Variants in ASH1L observed in about 807,000 individuals in gnomAD.
The protein encoded by ASH1L is ASH1 like histone lysine methyltransferase, also known as histone-lysine N-methyltransferase ASH1L.
A neutral mutation model predicts 269.0 loss-of-function variants in ASH1L; 23 were observed. The observed-to-expected ratio is 0.09, with a 90% CI of 0.06 to 0.12. The LOEUF (loss-of-function observed/expected upper bound fraction) is 0.12. ASH1L is among the 10% of genes least tolerant of loss of function. ASH1L has a pLI of 1.00. For missense variants in ASH1L, 2,912 were observed against 3,567.8 expected, an observed-to-expected ratio of 0.82 and a Z score of 4.68; for synonymous variants, 1,187 against 1,253.5, an observed-to-expected ratio of 0.95 and a Z score of 1.12.
intron 2 of ASH1L, among the ~76,000 whole-genome samples, chr1:155,491,463 C>G (rs1032667840): frequency 6.6e-6 from 1 of 152,102 alleles, no homozygotes; most frequent in Non-Finnish European, 1.5e-5. Flanking sequence ...ATATTCCTTA[C>G]AACCACCATA....
chr1:155,414,546 TGA>T (rs907720393), intron 6 of ASH1L, among the ~76,000 whole-genome samples: 4 of 152,306 alleles, frequency 2.6e-5, no homozygotes, highest in African/African-American at 7.2e-5. Flanking sequence ...CAACCTCAGG[TGA>T]TCCACCCGCC....
Position 155,338,336 on chromosome 1 carries a change from C to T in ASH1L, c.8556G>A (p.Glu2852=). The T allele has an allele frequency of 3.1e-6, 5 of 1,614,114 alleles. No homozygotes were observed. Among genetic ancestry groups the T allele is most frequent in the Non-Finnish European group, 4.2e-6 (5 of 1,180,028 alleles). ...CTTCAATCAAGGGTAGAGCATCATCCTCCTGGCCCAAGTCTTTTAGGGGTG... is the reference window on the plus strand; with the variant it reads ...CTTCAATCAAGGGTAGAGCATCATCTTCCTGGCCCAAGTCTTTTAGGGGTG... The part of the protein sequence containing the change: ...SKPPLKDLGQ[E]DDALPLIEEV... The change falls in exon 27 of 28, where the codon GAG becomes GAA. Residue 2852 remains glutamate (E), a synonymous_variant. Coordinates refer to ENST00000392403, the MANE Select transcript of ASH1L (RefSeq NM_018489.3).
intron 7 of ASH1L, among the ~76,000 whole-genome samples, chr1:155,390,632 TC>T (rs538641218): frequency 0.1 from 9,917 of 98,074 alleles, 368 homozygotes; most frequent in East Asian, 0.12. Flanking sequence ...AATATCATTC[TC>T]CCCCCCCCCC....
intron 19 of ASH1L, among the ~76,000 whole-genome samples, chr1:155,348,306 A>G (rs1469426067): frequency 2.6e-5 from 4 of 152,164 alleles, no homozygotes; most frequent in Non-Finnish European, 5.9e-5. Context: ...GGGTTTCAGT[A>G]GGAAGAATGT....
At chr1:155,404,776 T>C (rs1447747114) in intron 6 of ASH1L, among the ~76,000 whole-genome samples, 2 of 152,142 alleles carry the variant, frequency 1.3e-5, no homozygotes, top group Non-Finnish European at 2.9e-5. Flanking sequence ...ATGCCTGTCA[T>C]CCCAGCACTT....
chr1:155,481,583 C>G lies in ASH1L; in HGVS notation c.1287G>C (p.Leu429=). ...KDAINLKAEA[L]LPTQEPLKAS... ...CCTTAAGCGGTTCCTGAGTGGGGAG[C>G]AGTGCTTCGGCTTTAAGGTTTATGG... The change falls in exon 3 of 28, where the codon CTG becomes CTC. Residue 429 remains leucine (L), a synonymous_variant. Coordinates refer to ENST00000392403, the MANE Select transcript of ASH1L (RefSeq NM_018489.3). 6.2e-7 allele frequency: 1 copy of G among 1,614,178 alleles called. No individual in the cohort carries two copies. Among genetic ancestry groups the G allele is most frequent in the Non-Finnish European group, 8.5e-7 (1 of 1,180,018 alleles).
chr1:155,411,582 A>ATATATATATATATATAT (rs1659775685), intron 6 of ASH1L, among the ~76,000 whole-genome samples: 8 of 48,410 alleles, frequency 1.7e-4, no homozygotes, highest in African/African-American at 6.4e-4. Context: ...TAAATAAATA[A>ATATATATATATATATAT]ATAAATATAT....
At chr1:155,411,578 AATAAATAAATATATATAT>A (rs1186028865) in intron 6 of ASH1L, among the ~76,000 whole-genome samples, 7 of 21,126 alleles carry the variant, frequency 3.3e-4, no homozygotes, top group Non-Finnish European at 4.1e-4. Flanking sequence ...AATATAAATA[AATAAATAAATATATATAT>A]ATATATATAT....
intron 1 of ASH1L, among the ~76,000 whole-genome samples, chr1:155,521,939 T>C (rs1668913335): frequency 6.6e-6 from 1 of 152,214 alleles, no homozygotes; most frequent in Admixed American, 6.5e-5. Flanking sequence ...TCATATATTT[T>C]CGCACTCATC....
chr1:155,427,501 G>A lies in ASH1L; in HGVS notation c.5828+10826C>T, dbSNP rs1335049679. Among the ~76,000 whole-genome samples, 6 of 151,942 alleles carry A rather than the reference G, an allele frequency of 3.9e-5. No homozygotes were observed. The East Asian group carries it at 7.8e-4, about 20-fold the overall frequency. On this transcript the variant is annotated intron_variant, in intron 5 of 27. Transcript: ENST00000392403. ...TACTTTTTAGTAGAGACAGGGTTTC[G>A]CCGTGTTGGCCAGGCTGGTCTCAAA...
intron 2 of ASH1L, among the ~76,000 whole-genome samples, chr1:155,503,609 T>C (rs886820136): frequency 6.6e-6 from 1 of 152,234 alleles, no homozygotes; most frequent in Non-Finnish European, 1.5e-5. Context: ...TCATTGATTT[T>C]AGAGAAACTA....
chr1:155,374,540 A>C (rs745942884), intron 10 of ASH1L, among the ~76,000 whole-genome samples: 2 of 152,306 alleles, frequency 1.3e-5, no homozygotes, highest in African/African-American at 2.4e-5. Context: ...AGCTGTAAAG[A>C]AGACAGTGCC....
intron 7 of ASH1L, among the ~76,000 whole-genome samples, chr1:155,388,138 G>C (rs146707270): frequency 2.6e-5 from 4 of 152,268 alleles, no homozygotes; most frequent in African/African-American, 9.6e-5. Flanking sequence ...AACTAAAATG[G>C]AGTCAGGAGG....
chr1:155,346,768 G>C (rs1180967598), intron 20 of ASH1L, among the ~76,000 whole-genome samples: 3 of 152,208 alleles, frequency 2.0e-5, no homozygotes, highest in African/African-American at 7.2e-5. Context: ...AGTAATTTAA[G>C]TAAATGCTAC....
intron 1 of ASH1L, among the ~76,000 whole-genome samples, chr1:155,542,700 G>A (rs185242230): frequency 0.039 from 5,371 of 136,676 alleles, 149 homozygotes; most frequent in Non-Finnish European, 0.057. Context: ...TTTTTTTTGA[G>A]AAGGAGTCTC....
intron 1 of ASH1L, among the ~76,000 whole-genome samples, chr1:155,541,529 AC>A (rs1356076852): frequency 6.6e-6 from 1 of 152,176 alleles, no homozygotes; most frequent in African/African-American, 2.4e-5. Flanking sequence ...GAAGTTACCA[AC>A]AAAATTGGAA....
At chr1:155,450,322 G>A (rs778149421) in intron 4 of ASH1L, among the ~76,000 whole-genome samples, 3 of 152,088 alleles carry the variant, frequency 2.0e-5, no homozygotes, top group Non-Finnish European at 2.9e-5. Context: ...GAGTTTCATC[G>A]ATCTGTGGGA....
At chr1:155,558,896 C>A (rs1248636087) in intron 1 of ASH1L, among the ~76,000 whole-genome samples, 2 of 148,982 alleles carry the variant, frequency 1.3e-5, no homozygotes, top group East Asian at 3.9e-4. Context: ...TCCAGGCTGG[C>A]GTACAGTGGT....
At chr1:155,447,641 C>A (rs777527494) in intron 4 of ASH1L, among the ~76,000 whole-genome samples, 1 of 152,154 alleles carries the variant, frequency 6.6e-6, no homozygotes, top group Admixed American at 6.6e-5. Context: ...ATACCTATGC[C>A]TGTTGCCATT....
Sources: allele counts gnomAD v4.1 joint callset (sites outside exome capture counted in the v4.1 genomes callset), GRCh38; gene constraint gnomAD v4.1.1; transcripts MANE v1.5; gene names NCBI Gene and HGNC (gene_info 2026-07-23, HGNC 2026-07-21).